The following CXCR6 variants were observed in gnomAD, a reference collection of about 807,000 sequenced individuals.
CXCR6 encodes the protein C-X-C chemokine receptor type 6.
In CXCR6, 3 loss-of-function variants were observed where a neutral mutation model predicts 1.6. That is an observed-to-expected ratio of 1.83 (90% CI 0.83 to 4.72). CXCR6 has a LOEUF of 4.72. CXCR6 is among the 30% of genes most tolerant of loss of function. The pLI is 0.02. For synonymous variants in CXCR6, 171 were observed against 159.2 expected (o/e 1.07, Z -0.56); for missense variants, 326 against 414.8 (o/e 0.79, Z 1.86).
upstream of CXCR6, among the ~76,000 whole-genome samples, chr3:45,942,548 A>T (rs755788526): frequency 2.0e-5 from 3 of 152,192 alleles, no homozygotes; most frequent in Non-Finnish European, 4.4e-5. Flanking sequence ...CTCCACAAGA[A>T]GGCAGCTGCT....
rs763696572 is a variant in CXCR6 at position 45,947,205 on chromosome 3, C to T, written c.724C>T (p.Leu242=). The change falls in exon 2 of 2, where the codon CTG becomes TTG. Residue 242 remains leucine, a synonymous_variant. Transcript: ENST00000304552. ...IIFLVMAVFL[L]TQMPFNLMKF... is the part of the protein sequence containing the mutation. ...CTTCCTGGTGATGGCTGTGTTCCTG[C>T]TGACCCAGATGCCCTTCAACCTCAT... 2 of 1,614,214 alleles carry T rather than the reference C, an allele frequency of 1.2e-6. No homozygotes were observed. Among genetic ancestry groups the T allele is most frequent in the East Asian group, 2.2e-5 (1 of 44,894 alleles).
At chr3:45,942,874 C>T (rs1704316852), upstream of CXCR6, among the ~76,000 whole-genome samples, 1 of 152,168 alleles carries the variant, frequency 6.6e-6, no homozygotes, top group South Asian at 2.1e-4. Context: ...GGGGCTGCAC[C>T]AGGCCCTCTG....
At chr3:45,942,076 T>G (rs531612343), upstream of CXCR6, among the ~76,000 whole-genome samples, 1 of 152,370 alleles carries the variant, frequency 6.6e-6, no homozygotes, top group African/African-American at 2.4e-5. Flanking sequence ...CACTCATTTG[T>G]ACCAGTTTGG....
intron 1 of CXCR6, chr3:45,945,724 G>A (rs1404107642): frequency 6.6e-5 from 10 of 152,162 alleles, no homozygotes; most frequent in Non-Finnish European, 1.5e-4. Context: ...ACTGATGAAG[G>A]GGAAAGTTTA....
chr3:45,947,449 A>G lies in CXCR6; in HGVS notation c.968A>G (p.Asp323Gly). 1.2e-6 allele frequency: 2 copies of G among 1,614,206 alleles called. No individual in the cohort carries two copies. The highest frequency in any genetic ancestry group is 2.2e-5 in the South Asian group (2 of 91,086). ...TCACATCAATGGAAATCTTCTGAGGACAATTCCAAGACTTTTTCTGCCTCC... is the reference window on the plus strand; with the variant it reads ...TCACATCAATGGAAATCTTCTGAGGGCAATTCCAAGACTTTTTCTGCCTCC... ...GVSHQWKSSE[D>G]NSKTFSASHN... The change falls in exon 2 of 2, where the codon GAC becomes GGC. Residue 323 changes from aspartate to glycine, a missense_variant. Asp to Gly is a moderately conservative substitution (Grantham distance 94, BLOSUM62 -1). Transcript: ENST00000304552.
intron 1 of CXCR6, chr3:45,945,438 T>G (rs1704524755): frequency 6.6e-6 from 1 of 152,248 alleles, no homozygotes; most frequent in African/African-American, 2.4e-5. Context: ...TCCCTTGTCC[T>G]GTCCATGGTC....
chr3:45,945,058 C>T (rs1704497902), intron 1 of CXCR6: 1 of 152,116 alleles, frequency 6.6e-6, no homozygotes, highest in African/African-American at 2.4e-5. Context: ...CAGCATCCTT[C>T]CTTGCTAGAG....
chr3:45,944,872 AAT>A (rs1575344207), intron 1 of CXCR6: 1 of 152,206 alleles, frequency 6.6e-6, no homozygotes, highest in African/African-American at 2.4e-5. Context: ...ATGATGAAAA[AAT>A]ATGTTTTTGC....
upstream of CXCR6, among the ~76,000 whole-genome samples, chr3:45,943,045 C>T (rs1273881824): frequency 6.6e-6 from 1 of 152,210 alleles, no homozygotes; most frequent in Admixed American, 6.5e-5. Flanking sequence ...CACTGCAGGG[C>T]TGCTATGGGG....
At chr3:45,945,399 C>G (rs997032221) in intron 1 of CXCR6, 6 of 152,266 alleles carry the variant, frequency 3.9e-5, no homozygotes, top group African/African-American at 1.4e-4. Flanking sequence ...GCCGCAGCTG[C>G]CCCTGCTCCC....
intron 1 of CXCR6, among the ~76,000 whole-genome samples, chr3:45,944,455 AT>A (rs1373954106): frequency 3.9e-5 from 6 of 152,196 alleles, no homozygotes; most frequent in Non-Finnish European, 8.8e-5. Flanking sequence ...ATTTAAGTAT[AT>A]TCTATTTTAT....
rs1244032814 is a variant in CXCR6 at position 45,947,027 on chromosome 3, C to A, written c.546C>A (p.Tyr182Ter). Residue 182 changes from tyrosine to a stop codon, truncating the protein, a stop_gained, in exon 2 of 2, where the codon TAC becomes TAA. Transcript: ENST00000304552. LOFTEE classifies it low-confidence loss of function (END_TRUNC). ...ATCTCGACAAGCTCATATGTGGTTA[C>A]CATGACGAGGCAATTTCCACTGTGG... ...VFNLDKLICG[Y>*]HDEAISTVVL... 1.2e-6 allele frequency: 2 copies of A among 1,614,206 alleles called. No individual in the cohort carries two copies. The highest frequency in any genetic ancestry group is 1.7e-6 in the Non-Finnish European group (2 of 1,180,032).
At chr3:45,942,207 G>T (rs1210667237), upstream of CXCR6, among the ~76,000 whole-genome samples, 1 of 152,230 alleles carries the variant, frequency 6.6e-6, no homozygotes, top group Admixed American at 6.5e-5. Flanking sequence ...GGAAGCACTG[G>T]CTTTGCAGCC....
intron 1 of CXCR6, among the ~76,000 whole-genome samples, chr3:45,944,091 T>A (rs1198606792): frequency 6.6e-6 from 1 of 152,202 alleles, no homozygotes; most frequent in Non-Finnish European, 1.5e-5. Context: ...TCACATAGTT[T>A]ATCATGAACT....
chr3:45,943,451 G>A (rs1486073805), upstream of CXCR6: 2 of 152,110 alleles, frequency 1.3e-5, no homozygotes, highest in Admixed American at 1.3e-4. Context: ...AATGTTCAGC[G>A]GAAACATGAA....
Position 45,947,502 on chromosome 3 carries a change from C to T in CXCR6, c.1021C>T (p.Gln341Ter), listed in dbSNP as rs1704700895. The T allele has an allele frequency of 1.2e-6, 2 of 1,612,194 alleles. No homozygotes were observed. Among genetic ancestry groups the T allele is most frequent in the African/African-American group, 1.3e-5 (1 of 74,926 alleles). The change falls in exon 2 of 2, where the codon CAG becomes TAG. Residue 341 changes from glutamine to a stop codon, truncating the protein, a stop_gained. Coordinates refer to ENST00000304552, the MANE Select transcript of CXCR6 (RefSeq NM_006564.2). LOFTEE classifies it high-confidence loss of function. Reference protein sequence around the residue: ...SHNVEATSMFQL With the variant: ...SHNVEATSMF Reference sequence around the variant, plus strand: ...CAATGTGGAGGCCACCAGCATGTTCCAGTTATAGGCCTTGCCAGGGTTTCG... The same window carrying T: ...CAATGTGGAGGCCACCAGCATGTTCTAGTTATAGGCCTTGCCAGGGTTTCG...
At position 45,946,728 on chromosome 3, in the gene CXCR6, A is replaced by T; in HGVS notation, c.247A>T (p.Thr83Ser). The change falls in exon 2 of 2, where the codon ACT (threonine) becomes TCT (serine). Residue 83 changes from threonine to serine, a missense_variant. Transcript: ENST00000304552. ...LPLADLVFVC[T>S]LPFWAYAGIH... Reference sequence around the variant, plus strand: ...CCTGGCTGACCTGGTGTTTGTCTGCACTCTGCCCTTCTGGGCCTATGCAGG... The same window carrying T: ...CCTGGCTGACCTGGTGTTTGTCTGCTCTCTGCCCTTCTGGGCCTATGCAGG... 1 of 1,613,984 alleles carries T rather than the reference A, an allele frequency of 6.2e-7. No homozygotes were observed. Among genetic ancestry groups the T allele is most frequent in the South Asian group, 1.1e-5 (1 of 91,074 alleles).
chr3:45,944,109 G>A (rs958604972), intron 1 of CXCR6, among the ~76,000 whole-genome samples: 1 of 152,148 alleles, frequency 6.6e-6, no homozygotes, highest in African/African-American at 2.4e-5. Flanking sequence ...ACTCTTATGT[G>A]AGGGCCCACA....
upstream of CXCR6, among the ~76,000 whole-genome samples, chr3:45,942,105 C>G (rs770858364): frequency 2.0e-5 from 3 of 152,322 alleles, no homozygotes; most frequent in African/African-American, 7.2e-5. Context: ...ACAGTCTGAA[C>G]GAATTCATTC....
Sources: allele counts gnomAD v4.1 joint callset (sites outside exome capture counted in the v4.1 genomes callset), GRCh38; gene constraint gnomAD v4.1.1; transcripts MANE v1.5; gene names NCBI Gene and HGNC (gene_info 2026-07-23, HGNC 2026-07-21).